The following PLA2G4E variants were observed in gnomAD, a reference collection of about 807,000 sequenced individuals.
The protein encoded by PLA2G4E is phospholipase A2 group IVE, also known as cytosolic phospholipase A2 epsilon.
In PLA2G4E, 84 loss-of-function variants were observed where a neutral mutation model predicts 109.1. That is an observed-to-expected ratio of 0.77 (90% confidence interval 0.65 to 0.92). The LOEUF is 0.92. Ranked by LOEUF, PLA2G4E falls within the 40% of genes least tolerant of loss-of-function variation. The pLI is 0.00. For missense variants in PLA2G4E, 1,057 were observed against 1,076.6 expected, an observed-to-expected ratio of 0.98 and a Z score of 0.25; for synonymous variants, 469 against 436.1, an observed-to-expected ratio of 1.08 and a Z score of -0.94.
intron 1 of PLA2G4E, among the ~76,000 whole-genome samples, chr15:42,043,282 G>A (rs1889349076): frequency 6.6e-6 from 1 of 152,122 alleles, no homozygotes; most frequent in African/African-American, 2.4e-5. Flanking sequence ...AGAGGTAGGT[G>A]GCTCTGACGG....
At chr15:41,993,144 C>T (rs2068280134) in intron 12 of PLA2G4E, among the ~76,000 whole-genome samples, 185 bp from the exon 13 acceptor site, 1 of 152,172 alleles carries the variant, frequency 6.6e-6, no homozygotes, top group African/African-American at 2.4e-5. Flanking sequence ...AACATTATTA[C>T]TCATAATCAC....
chr15:42,003,206 G>T (rs1216725633), intron 5 of PLA2G4E, among the ~76,000 whole-genome samples: 2 of 152,228 alleles, frequency 1.3e-5, no homozygotes, highest in African/African-American at 2.4e-5. Context: ...GCCTGGCAGA[G>T]TCCACAGCAT....
At chr15:42,007,348 G>A (rs999359977) in intron 3 of PLA2G4E, among the ~76,000 whole-genome samples, 3 of 152,152 alleles carry the variant, frequency 2.0e-5, no homozygotes, top group African/African-American at 7.2e-5. Flanking sequence ...AATTTAAGAG[G>A]GAGAGAACCC....
At chr15:42,000,202 T>G (rs766565504) in exon 8 of PLA2G4E, 1 of 1,592,424 alleles carries the variant, frequency 6.3e-7, no homozygotes, top group African/African-American at 1.3e-5. Flanking sequence ...CAGGCAGAGG[T>G]TGGGCAGCAG....
chr15:42,000,209 GC>G lies in PLA2G4E; in HGVS notation c.746del (p.Cys249SerfsTer59). 6.3e-7 allele frequency: 1 copy of G among 1,590,942 alleles called. No individual in the cohort carries two copies. The highest frequency in any genetic ancestry group is 1.3e-5 in the African/African-American group (1 of 74,610). ...TTTGGAAGCAGGCAGAGGTTGGGCAGCAGGGTTCCAAGCAGGGCCGGACACG... is the reference window on the plus strand; with the variant it reads ...TTTGGAAGCAGGCAGAGGTTGGGCAGAGGGTTCCAAGCAGGGCCGGACACG... On this transcript the variant is annotated frameshift_variant, in exon 8 of 20. Transcript: ENST00000399518. LOFTEE classifies it high-confidence loss of function.
chr15:42,000,137 G>T, exon 8 of PLA2G4E: 4 of 1,593,834 alleles, frequency 2.5e-6, no homozygotes, highest in Non-Finnish European at 3.4e-6. Context: ...GCACTTCCAC[G>T]TGCACCTGGG....
chr15:42,028,250 T>C (rs2068708708), intron 1 of PLA2G4E, among the ~76,000 whole-genome samples: 3 of 152,296 alleles, frequency 2.0e-5, no homozygotes, highest in Middle Eastern at 3.4e-3. Context: ...AGAACCTTGC[T>C]CAAGGTCACG....
intron 2 of PLA2G4E, among the ~76,000 whole-genome samples, chr15:42,012,752 T>C (rs910519496): frequency 1.3e-5 from 2 of 152,224 alleles, no homozygotes; most frequent in African/African-American, 2.4e-5. Context: ...CTTGTTAAAA[T>C]GTACACTCAA....
chr15:42,000,081 C>T, intron 8 of PLA2G4E, 23 bp downstream of exon 8: 1 of 1,577,644 alleles, frequency 6.3e-7, no homozygotes, highest in Non-Finnish European at 8.6e-7. Flanking sequence ...CCCACACCTC[C>T]CCCAGTGTCA....
chr15:41,985,661 C>T (rs1374192310), intron 18 of PLA2G4E, among the ~76,000 whole-genome samples, 178 bp downstream of exon 18: 1 of 152,234 alleles, frequency 6.6e-6, no homozygotes. Flanking sequence ...CAGCTGGCTG[C>T]CCGTGAGTTC....
At chr15:41,999,878 G>T in intron 9 of PLA2G4E, 39 bp downstream of exon 9, 3 of 1,555,084 alleles carry the variant, frequency 1.9e-6, no homozygotes, top group Non-Finnish European at 2.6e-6. Context: ...AGCTCCAGGG[G>T]AAGTAAGTCA....
chr15:42,036,247 C>A (rs1171821031), intron 1 of PLA2G4E, among the ~76,000 whole-genome samples: 1 of 152,208 alleles, frequency 6.6e-6, no homozygotes, highest in Admixed American at 6.5e-5. Flanking sequence ...GGGGCCGCGG[C>A]GATGGGGCTG....
rs1317844425 is a variant in PLA2G4E at position 42,016,639 on chromosome 15, C to T, written c.184-2882G>A. Among the ~76,000 whole-genome samples, 3 of 152,148 alleles carry T rather than the reference C, an allele frequency of 2.0e-5. No homozygotes were observed. In the East Asian group the frequency reaches 5.8e-4, roughly 29 times the overall value. On this transcript the variant is annotated intron_variant, in intron 1 of 19. Transcript: ENST00000399518. ...AGGTTTGAGCCACTGTGCCTGGCCC[C>T]TGGGGCTTAATTCTGATCAGCAACA...
intron 3 of PLA2G4E, among the ~76,000 whole-genome samples, chr15:42,007,490 A>T (rs540750738): frequency 2.2e-4 from 34 of 152,268 alleles, no homozygotes; most frequent in African/African-American, 7.9e-4. Flanking sequence ...TTCAGCAACA[A>T]TTAGGACAAG....
At chr15:42,029,474 G>C (rs567956865) in intron 1 of PLA2G4E, among the ~76,000 whole-genome samples, 1 of 152,268 alleles carries the variant, frequency 6.6e-6, no homozygotes, top group African/African-American at 2.4e-5. Context: ...TCTGGTTTCA[G>C]CTAGATGCCA....
intron 2 of PLA2G4E, chr15:42,010,119 T>C: frequency 2.0e-6 from 1 of 508,180 alleles, no homozygotes; most frequent in Non-Finnish European, 4.0e-6. Context: ...CCCTTGGCTT[T>C]TCCAGAACAC....
intron 14 of PLA2G4E, 48 bp from the exon 15 acceptor site, chr15:41,989,600 GTCC>G (rs1356312893): frequency 1.9e-6 from 3 of 1,576,306 alleles, no homozygotes; most frequent in Non-Finnish European, 2.6e-6. Context: ...CCAGGGAGCC[GTCC>G]ACACAGCCGG....
chr15:42,010,133 C>CCG, intron 2 of PLA2G4E: 3 of 435,494 alleles, frequency 6.9e-6, no homozygotes, highest in South Asian at 2.0e-5. Flanking sequence ...AGAACACTGG[C>CCG]CCCCCCACCC....
chr15:42,039,856 C>A (rs1373083819), intron 1 of PLA2G4E, among the ~76,000 whole-genome samples: 1 of 152,106 alleles, frequency 6.6e-6, no homozygotes, highest in African/African-American at 2.4e-5. Flanking sequence ...ATGATCAATT[C>A]TTCCTAAATT....
Sources: gnomAD v4.1 joint callset for allele counts (sites outside exome capture counted in the v4.1 genomes callset) on GRCh38, gnomAD v4.1.1 for gene constraint, MANE v1.5 for transcripts, NCBI Gene and HGNC (gene_info 2026-07-23, HGNC 2026-07-21) for gene names.